Variants in SEC31B observed in about 807,000 individuals in gnomAD.
The protein encoded by SEC31B is SEC31 homolog B, COPII component.
Under a neutral mutation model 135.0 loss-of-function variants are expected in SEC31B, and 113 were observed. The ratio of observed to expected loss-of-function variants is 0.84; its 90% CI spans 0.72 to 0.98. The LOEUF (loss-of-function observed/expected upper bound fraction) is 0.98, where lower values mean the gene tolerates loss of function less well. Among genes scored for constraint, SEC31B ranks in the 50% least tolerant of loss-of-function variants. The pLI is 0.00. For missense variants in SEC31B, 1,296 were observed against 1,421.1 expected (o/e 0.91, Z 1.42); for synonymous variants, 508 against 549.4 (o/e 0.92, Z 1.05).
intron 24 of SEC31B, among the ~76,000 whole-genome samples, chr10:100,488,621 T>C (rs1349956480): frequency 6.6e-6 from 1 of 152,118 alleles, no homozygotes; most frequent in East Asian, 1.9e-4. Context: ...CTCCTTCCAG[T>C]ACCCCTGCTG....
At position 100,490,231 on chromosome 10, in the gene SEC31B, A is replaced by AG. The variant is rs1490475279; in HGVS notation, c.2741dup (p.Leu915SerfsTer18). On this transcript the variant is annotated frameshift_variant, in exon 21 of 26. Transcript: ENST00000370345. LOFTEE classifies it high-confidence loss of function. Reference sequence around the variant, plus strand: ...TGATGCCTGGGCATGCCATGGGTAGAGGGGAACCAGGAAGAGGCCATGTCC... The same window carrying AG: ...TGATGCCTGGGCATGCCATGGGTAGAGGGGGAACCAGGAAGAGGCCATGTCC... 7.4e-6 allele frequency: 12 copies of AG among 1,613,570 alleles called. No individual in the cohort carries two copies. Among genetic ancestry groups the AG allele is most frequent in the Non-Finnish European group, 1.0e-5 (12 of 1,179,714 alleles).
intron 14 of SEC31B, 89 bp downstream of exon 14, chr10:100,498,616 G>A (rs890145462): frequency 3.3e-6 from 3 of 896,246 alleles, no homozygotes; most frequent in Admixed American, 2.0e-5. Context: ...CACGAGGCAG[G>A]GGACAAGAAG....
Position 100,497,665 on chromosome 10 carries a change from AC to A in SEC31B, c.1990+1del. On this transcript the variant is annotated splice_donor_variant, in intron 16 of 25. Coordinates refer to ENST00000370345, the MANE Select transcript of SEC31B (RefSeq NM_015490.4). LOFTEE classifies it high-confidence loss of function. Reference sequence around the variant, plus strand: ...CATCCTGAAGCCTGGGACCACACTTACCACAGAGCTCGGGAAATTTCTCTGT... The same window carrying A: ...CATCCTGAAGCCTGGGACCACACTTACACAGAGCTCGGGAAATTTCTCTGT... The A allele has an allele frequency of 6.2e-7, 1 of 1,614,092 alleles. No homozygotes were observed. Among genetic ancestry groups the A allele is most frequent in the South Asian group, 1.1e-5 (1 of 91,078 alleles).
In SEC31B at chr10:100,488,844, A is replaced by C; in HGVS notation, c.3288+14T>G. 1 of 1,567,002 alleles carries C rather than the reference A, an allele frequency of 6.4e-7. No homozygotes were observed. Among genetic ancestry groups the C allele is most frequent in the African/African-American group, 1.4e-5 (1 of 73,422 alleles). On this transcript the variant is annotated intron_variant, in intron 24 of 25. Coordinates refer to ENST00000370345, the MANE Select transcript of SEC31B (RefSeq NM_015490.4). ...GGGTGCGAGGAGGGCACTGTGAAGA[A>C]GGTTCAGACTTACTAAGTCAGTTGC...
intron 19 of SEC31B, among the ~76,000 whole-genome samples, chr10:100,494,494 C>T (rs954638017): frequency 6.6e-6 from 1 of 152,172 alleles, no homozygotes; most frequent in Non-Finnish European, 1.5e-5. Context: ...TAACTCCTAC[C>T]TGTTGTTCCA....
chr10:100,514,645 A>G (rs1247915739), intron 3 of SEC31B, among the ~76,000 whole-genome samples: 1 of 152,190 alleles, frequency 6.6e-6, no homozygotes, highest in Non-Finnish European at 1.5e-5. Context: ...ACTTTTCATT[A>G]TGAAGTTAAA....
intron 3 of SEC31B, among the ~76,000 whole-genome samples, chr10:100,514,606 G>C (rs1360134183): frequency 1.3e-5 from 2 of 151,362 alleles, no homozygotes; most frequent in Non-Finnish European, 2.9e-5. Context: ...AAGTGATGCA[G>C]GAGCTCAAGA....
chr10:100,489,775 A>T lies in SEC31B; in HGVS notation c.2966-14T>A. The T allele has an allele frequency of 1.2e-6, 2 of 1,613,860 alleles. No homozygotes were observed. Among genetic ancestry groups the T allele is most frequent in the Non-Finnish European group, 1.7e-6 (2 of 1,179,912 alleles). ...AATCTTGAGGTCCTATAGAATAAAAAGATAGAGGTTTTTCGGCGCATAGTG... is the reference window on the plus strand; with the variant it reads ...AATCTTGAGGTCCTATAGAATAAAATGATAGAGGTTTTTCGGCGCATAGTG... On this transcript the variant is annotated splice_polypyrimidine_tract_variant and intron_variant, in intron 21 of 25. Coordinates refer to ENST00000370345, the MANE Select transcript of SEC31B (RefSeq NM_015490.4).
Position 100,490,296 on chromosome 10 carries a change from C to T in SEC31B, c.2677G>A (p.Gly893Arg). Residue 893 changes from glycine to arginine, a missense_variant, in exon 21 of 26, where the codon GGG (glycine) becomes AGG (arginine). Gly to Arg is a moderately radical substitution (Grantham distance 125). Transcript: ENST00000370345. ...GGGTTAGGAACTTGCACCCTTTGCC[C>T]TCCTAATAGCTGTGGCTGAGATGAA... ...PASSQPQLLG[G>R]QRVQVPNPVG... 6.2e-7 allele frequency: 1 copy of T among 1,613,512 alleles called. No homozygotes were observed. The highest frequency in any genetic ancestry group is 8.5e-7 in the Non-Finnish European group (1 of 1,179,756).
At position 100,512,104 on chromosome 10, in the gene SEC31B, ATGT is replaced by A. The variant is rs758396734; in HGVS notation, c.204-2596_204-2594del. ...TACACAAATGATTTTTTTCTGCTTGATGTTGTCCCTTACAGAAGGCCCCCAAAG... is the reference window on the plus strand; with the variant it reads ...TACACAAATGATTTTTTTCTGCTTGATGTCCCTTACAGAAGGCCCCCAAAG... On this transcript the variant is annotated intron_variant, in intron 3 of 25. Coordinates refer to ENST00000370345, the MANE Select transcript of SEC31B (RefSeq NM_015490.4). 4.6e-5 allele frequency among the ~76,000 whole-genome samples: 7 copies of A among 152,298 alleles called. No homozygotes were observed. The South Asian group carries it at 1.5e-3, about 32-fold the overall frequency.
At position 100,498,852 on chromosome 10, in the gene SEC31B, A is replaced by G. The variant is rs191170815; in HGVS notation, c.1585-48T>C. ...GACTACTTAGGGATGAACCCAAGAC[A>G]GACAGAGAGCTGGCTTAGTAGCCCT... On this transcript the variant is annotated intron_variant, in intron 13 of 25. Coordinates refer to ENST00000370345, the MANE Select transcript of SEC31B (RefSeq NM_015490.4). 933 of 1,410,770 alleles carry G rather than the reference A, an allele frequency of 6.6e-4. 7 individuals carry two copies. In the African/African-American group the frequency reaches 0.011, roughly 17 times the overall value. 87.4% of individuals were successfully genotyped at this position (1,410,770 alleles called of 1,614,324 possible).
Position 100,489,412 on chromosome 10 carries a change from A to G in SEC31B, c.3025-14T>C, listed in dbSNP as rs768517151. On this transcript the variant is annotated splice_polypyrimidine_tract_variant and intron_variant, in intron 22 of 25. Transcript: ENST00000370345. The stretch of plus-strand genomic sequence containing the variant: ...TGTCTCTGGCAGCTAAAGAGACAGA[A>G]GGAAAGACATGAGTCTAACCTGAGA... 2.5e-6 allele frequency: 4 copies of G among 1,613,136 alleles called. No homozygotes were observed. In the East Asian group the frequency reaches 6.7e-5, roughly 27 times the overall value.
intron 17 of SEC31B, 93 bp from the exon 18 acceptor site, chr10:100,496,524 G>A (rs1007938752): frequency 3.0e-6 from 4 of 1,342,274 alleles, no homozygotes; most frequent in Admixed American, 3.9e-5. Context: ...CCCACTATGG[G>A]TACAGATGAG....
At position 100,509,501 on chromosome 10, in the gene SEC31B, G is replaced by A; in HGVS notation, c.214C>T (p.Leu72=). ...VLSALSRFHK[L]VWGSFGSGLL... The stretch of plus-strand genomic sequence containing the variant: ...CCACTGCCAAAGCTCCCCCAGACCA[G>A]CTTGTGAAACCTATAAAGAGGAGGA... The change falls in exon 4 of 26, where the codon CTG becomes TTG. Residue 72 remains leucine (L), a synonymous_variant. Coordinates refer to ENST00000370345, the MANE Select transcript of SEC31B (RefSeq NM_015490.4). 6.2e-7 allele frequency: 1 copy of A among 1,611,446 alleles called. No homozygotes were observed. Among genetic ancestry groups the A allele is most frequent in the Non-Finnish European group, 8.5e-7 (1 of 1,178,500 alleles).
Position 100,490,229 on chromosome 10 carries a change from A to G in SEC31B, c.2744T>C (p.Leu915Pro), listed in dbSNP as rs754948267. ...PGTWPLPGSP[L>P]PMACPGIMRP... ...CATGATGCCTGGGCATGCCATGGGT[A>G]GAGGGGAACCAGGAAGAGGCCATGT... The change falls in exon 21 of 26, where the codon CTA becomes CCA. Residue 915 changes from leucine to proline, a missense_variant. Coordinates refer to ENST00000370345, the MANE Select transcript of SEC31B (RefSeq NM_015490.4). 4 of 1,613,430 alleles carry G rather than the reference A, an allele frequency of 2.5e-6. No homozygotes were observed. The African/African-American group carries it at 4.0e-5, about 16-fold the overall frequency.
rs199821118 is a variant in SEC31B at position 100,487,796 on chromosome 10, C to A, written c.3361-1G>T. 1 of 1,613,886 alleles carries A rather than the reference C, an allele frequency of 6.2e-7. No individual in the cohort carries two copies. Among genetic ancestry groups the A allele is most frequent in the Admixed American group, 1.7e-5 (1 of 60,018 alleles). On this transcript the variant is annotated splice_acceptor_variant, in intron 25 of 25. Transcript: ENST00000370345. LOFTEE classifies it high-confidence loss of function. ...GCCCAGCCACGACATGAGGTGAGAG[C>A]TGTGGAGGGAATGACCCTTAGGTTA...
intron 3 of SEC31B, among the ~76,000 whole-genome samples, 200 bp downstream of exon 3, chr10:100,515,896 T>C (rs1463695841): frequency 6.6e-6 from 1 of 151,312 alleles, no homozygotes; most frequent in East Asian, 1.9e-4. Context: ...CTGACACTGC[T>C]ATTGCTGCTG....
chr10:100,509,278 C>A (rs758548662), intron 4 of SEC31B, 38 bp downstream of exon 4: 2 of 1,593,958 alleles, frequency 1.3e-6, no homozygotes, highest in South Asian at 1.1e-5. Context: ...TCTGTTGCTC[C>A]CTGGCTTGGC....
chr10:100,505,748 AAAGAT>A, intron 9 of SEC31B: 1 of 1,411,396 alleles, frequency 7.1e-7, no homozygotes, highest in Non-Finnish European at 9.2e-7. Flanking sequence ...TAGAAGAGAG[AAAGAT>A]AAGAGTCATA....
Sources: allele counts gnomAD v4.1 joint callset (sites outside exome capture counted in the v4.1 genomes callset), GRCh38; gene constraint gnomAD v4.1.1; transcripts MANE v1.5; gene names NCBI Gene and HGNC (gene_info 2026-07-23, HGNC 2026-07-21).